The following FBXL5 variants were observed in gnomAD, a reference collection of about 807,000 sequenced individuals.
FBXL5 encodes F-box/LRR-repeat protein 5.
FBXL5 carries 26 observed loss-of-function variants against 78.3 expected under a neutral mutation model. That is an observed-to-expected ratio of 0.33 (90% CI 0.24 to 0.46). The LOEUF (loss-of-function observed/expected upper bound fraction) is 0.46, where lower values mean the gene tolerates loss of function less well. Among genes scored for constraint, FBXL5 ranks in the 20% least tolerant of loss-of-function variants. The probability of loss-of-function intolerance (pLI) is 1.00; values close to 1 mark genes in which losing one functional copy is unlikely to be tolerated. For missense variants in FBXL5, 710 were observed against 829.2 expected (o/e 0.86, Z 1.77); for synonymous variants, 295 against 282.5 (o/e 1.04, Z -0.45).
chr4:15,676,436 T>C (rs977823861), intron 1 of FBXL5, among the ~76,000 whole-genome samples: 1 of 151,666 alleles, frequency 6.6e-6, no homozygotes, highest in Non-Finnish European at 1.5e-5. Context: ...AACAAATAAA[T>C]GTCAACAACA....
Position 15,644,685 on chromosome 4 carries a change from G to A in FBXL5, c.108C>T (p.Asn36=). 1 of 1,608,710 alleles carries A rather than the reference G, an allele frequency of 6.2e-7. No individual in the cohort carries two copies. The highest frequency in any genetic ancestry group is 8.5e-7 in the Non-Finnish European group (1 of 1,177,028). ...CDKLSKTNFS[N]NNDFRALLQS... is the part of the protein sequence containing the mutation. Reference sequence around the variant, plus strand: ...GCAGAAGAGCACGGAAATCGTTGTTGTTGGAAAAATTGGTTTTAGAAAGCT... The same window carrying A: ...GCAGAAGAGCACGGAAATCGTTGTTATTGGAAAAATTGGTTTTAGAAAGCT... The change falls in exon 2 of 11, where the codon AAC becomes AAT. Residue 36 remains asparagine (N), a synonymous_variant. Transcript: ENST00000341285.
intron 9 of FBXL5, among the ~76,000 whole-genome samples, chr4:15,618,675 C>T (rs879337323): frequency 2.0e-5 from 3 of 152,058 alleles, no homozygotes; most frequent in Admixed American, 2.0e-4. Flanking sequence ...AACCCCGTCT[C>T]CACTAAAAAT....
At chr4:15,671,116 G>T (rs1005278844) in intron 1 of FBXL5, among the ~76,000 whole-genome samples, 6 of 151,564 alleles carry the variant, frequency 4.0e-5, no homozygotes, top group Non-Finnish European at 8.8e-5. Flanking sequence ...TAGAGATGGG[G>T]TTTCTCCATG....
intron 1 of FBXL5, among the ~76,000 whole-genome samples, chr4:15,650,690 CAG>C (rs1283063551): frequency 2.9e-5 from 3 of 102,950 alleles, no homozygotes; most frequent in Non-Finnish European, 5.3e-5. Context: ...TTTTTTGAGA[CAG>C]AGTCTCACTC....
At chr4:15,631,955 A>G (rs1388838039) in intron 5 of FBXL5, among the ~76,000 whole-genome samples, 2 of 152,138 alleles carry the variant, frequency 1.3e-5, no homozygotes, top group Non-Finnish European at 2.9e-5. Flanking sequence ...TTTTGTTGCC[A>G]TTGCTTTTGG....
chr4:15,634,097 C>T (rs1713974599), intron 5 of FBXL5, among the ~76,000 whole-genome samples: 1 of 152,080 alleles, frequency 6.6e-6, no homozygotes, highest in Admixed American at 6.6e-5. Flanking sequence ...CCAGATATTT[C>T]AAATATCCCC....
At chr4:15,644,845 A>T in intron 1 of FBXL5, 137 bp from the exon 2 acceptor site, 1 of 634,506 alleles carries the variant, frequency 1.6e-6, no homozygotes. Flanking sequence ...AATAAAAGAA[A>T]TTCATAAATT....
intron 5 of FBXL5, among the ~76,000 whole-genome samples, chr4:15,635,026 G>C (rs948429139): frequency 6.6e-5 from 10 of 151,964 alleles, no homozygotes; most frequent in African/African-American, 2.4e-4. Flanking sequence ...ATATCTAACA[G>C]CTTATTTTAA....
At chr4:15,652,846 C>T (rs1053560036) in intron 1 of FBXL5, among the ~76,000 whole-genome samples, 1 of 152,044 alleles carries the variant, frequency 6.6e-6, no homozygotes, top group African/African-American at 2.4e-5. Context: ...TTAGTCTGAG[C>T]ATAAAAACTA....
intron 5 of FBXL5, among the ~76,000 whole-genome samples, chr4:15,635,779 A>C (rs1041409354): frequency 6.6e-6 from 1 of 150,960 alleles, no homozygotes; most frequent in African/African-American, 2.4e-5. Flanking sequence ...AAAAAAAAAA[A>C]CTCACCTAGC....
chr4:15,629,554 C>T (rs1713409909), intron 6 of FBXL5, among the ~76,000 whole-genome samples: 2 of 152,070 alleles, frequency 1.3e-5, no homozygotes, highest in African/African-American at 2.4e-5. Flanking sequence ...TGCCTCCTGT[C>T]TCTAAATTTT....
At chr4:15,630,059 A>T (rs1713458783) in intron 6 of FBXL5, among the ~76,000 whole-genome samples, 1 of 152,190 alleles carries the variant, frequency 6.6e-6, no homozygotes, top group Admixed American at 6.5e-5. Context: ...CATATACTTT[A>T]AATTAAAAAT....
intron 5 of FBXL5, among the ~76,000 whole-genome samples, chr4:15,635,899 T>A (rs549517738): frequency 1.3e-5 from 2 of 152,194 alleles, no homozygotes; most frequent in African/African-American, 4.8e-5. Flanking sequence ...ACTGTTCACA[T>A]GTGAAAGTAA....
At chr4:15,643,946 T>C (rs1385273431) in intron 2 of FBXL5, among the ~76,000 whole-genome samples, 3 of 152,180 alleles carry the variant, frequency 2.0e-5, no homozygotes, top group Non-Finnish European at 4.4e-5. Context: ...AAGAGGTAAC[T>C]GATGAAGACT....
At chr4:15,626,835 A>AC in intron 8 of FBXL5, 38 bp downstream of exon 8, 1 of 1,373,520 alleles carries the variant, frequency 7.3e-7, no homozygotes, top group Non-Finnish European at 1.0e-6. Context: ...CTTATAAAAT[A>AC]GTTTTTCATT....
At chr4:15,666,354 G>A (rs146040133) in intron 1 of FBXL5, among the ~76,000 whole-genome samples, 247 of 152,086 alleles carry the variant, frequency 1.6e-3, no homozygotes, top group Non-Finnish European at 2.9e-3. Flanking sequence ...GAGCCATGAT[G>A]GCGCCACTGC....
chr4:15,664,764 G>A (rs1177293804), upstream of FBXL5, among the ~76,000 whole-genome samples: 3 of 151,634 alleles, frequency 2.0e-5, no homozygotes, highest in Admixed American at 1.3e-4. Flanking sequence ...TCACCATGTT[G>A]GCCAGGCTAG....
Position 15,655,206 on chromosome 4 carries a change from T to C in FBXL5, c.82A>G (p.Lys28Glu). 4 of 1,417,546 alleles carry C rather than the reference T, an allele frequency of 2.8e-6. No homozygotes were observed. The highest frequency in any genetic ancestry group is 4.1e-4 in the Middle Eastern group (2 of 4,880). 87.8% of individuals were successfully genotyped at this position (1,417,546 alleles called of 1,614,324 possible). A position where few individuals can be genotyped will look rare whatever the true frequency, so the allele number is the denominator to read the frequency against. The change falls in exon 1 of 11, where the codon AAG (lysine) becomes GAG (glutamate). Residue 28 changes from lysine to glutamate, a missense_variant and splice_region_variant. By Grantham distance (56) the Lys-to-Glu change is moderately conservative. This residue lies in a region of FBXL5 where 132 missense variants were observed against 156.9 expected (regional missense o/e 0.84). Transcript: ENST00000341285. ...CGGGAGGCTCAGCGCTCCGTTACCT[T>C]GTCGCAGTAGAGCCCCACCAGCTGC... ...MKQLVGLYCDKLSKTNFSNNN... is the reference protein window; with the variant it reads ...MKQLVGLYCDELSKTNFSNNN...
In FBXL5 at chr4:15,609,129, G is replaced by A. The variant is rs1342743528; in HGVS notation, c.1999+3137C>T. On this transcript the variant is annotated intron_variant, in intron 10 of 10. Transcript: ENST00000341285. Reference sequence around the variant, plus strand: ...GGTAGACAGCTATGCTTTAACAGACGAAGATAATTCACAAGGTAGTTCCCT... The same window carrying A: ...GGTAGACAGCTATGCTTTAACAGACAAAGATAATTCACAAGGTAGTTCCCT... Among the ~76,000 whole-genome samples the A allele has an allele frequency of 2.6e-5, 4 of 152,218 alleles. No homozygotes were observed. In the South Asian group the frequency reaches 8.3e-4, roughly 32 times the overall value.
Sources: allele counts gnomAD v4.1 joint callset (sites outside exome capture counted in the v4.1 genomes callset), GRCh38; gene constraint gnomAD v4.1.1; regional missense constraint gnomAD v4.1.1; transcripts MANE v1.5; gene names NCBI Gene and HGNC (gene_info 2026-07-23, HGNC 2026-07-21).